Variants in SRCIN1 observed in about 807,000 individuals in gnomAD.
SRCIN1 encodes SRC kinase signaling inhibitor 1.
In SRCIN1, 50 loss-of-function variants were observed where a neutral mutation model predicts 116.2. That is an observed-to-expected ratio of 0.43 (90% confidence interval 0.34 to 0.54). The LOEUF is 0.54. Among genes scored for constraint, SRCIN1 ranks in the 20% least tolerant of loss-of-function variants. The pLI is 0.02. For synonymous variants in SRCIN1, 736 were observed against 750.0 expected (o/e 0.98, Z 0.30); for missense variants, 1,446 against 1,672.0 (o/e 0.86, Z 2.36).
intron 2 of SRCIN1, among the ~76,000 whole-genome samples, chr17:38,571,389 T>G (rs1401785013): frequency 1.3e-5 from 2 of 152,190 alleles, no homozygotes; most frequent in Non-Finnish European, 2.9e-5. Flanking sequence ...GGGTGGGATC[T>G]CTGAATACTC....
At chr17:38,593,305 G>A (rs1908539885) in intron 1 of SRCIN1, among the ~76,000 whole-genome samples, 1 of 152,182 alleles carries the variant, frequency 6.6e-6, no homozygotes, top group African/African-American at 2.4e-5. Context: ...GACTCCTCAG[G>A]AGGAACAGGG....
At chr17:38,569,481 C>T (rs1395754840) in intron 2 of SRCIN1, among the ~76,000 whole-genome samples, 3 of 152,140 alleles carry the variant, frequency 2.0e-5, no homozygotes, top group Non-Finnish European at 2.9e-5. Context: ...TGAATGCTTT[C>T]CTGGCAGGGA....
Position 38,559,739 on chromosome 17 carries a change from G to T in SRCIN1, c.1871C>A (p.Thr624Asn), listed in dbSNP as rs1237763252. The change falls in exon 10 of 19, where the codon ACC becomes AAC. Residue 624 changes from threonine (T) to asparagine (N), a missense_variant. By Grantham distance (65) the Thr-to-Asn change is moderately conservative. Transcript: ENST00000617146. ...GGGCGGGGGCGGGCCGGACACCGGG[G>T]TGGCCCCGCTGCTCCGGCCGCCTGA... ...CGSGGRSSGA[T>N]PVSGPPPPSA... 1.9e-6 allele frequency: 3 copies of T among 1,546,200 alleles called. No individual in the cohort carries two copies. The highest frequency in any genetic ancestry group is 1.4e-5 in the African/African-American group (1 of 73,402).
In SRCIN1 at chr17:38,544,159, T is replaced by G. The variant is rs1904931207; in HGVS notation, c.3271-190A>C. Among the ~76,000 whole-genome samples, 1 of 152,040 alleles carries G rather than the reference T, an allele frequency of 6.6e-6. No individual in the cohort carries two copies. The highest frequency in any genetic ancestry group is 6.5e-5 in the Admixed American group (1 of 15,278). ...ACCCTCTCAGTCCCCACTTATGGTC[T>G]CCCTGCAGGAGAGGGGTGGGGCCCA... On this transcript the variant is annotated intron_variant, in intron 17 of 18. Transcript: ENST00000617146. The surrounding 1 kb of genome is among the most constrained non-coding windows in gnomAD (Gnocchi z 4.5).
intron 15 of SRCIN1, 125 bp downstream of exon 15, chr17:38,551,030 C>A: frequency 1.8e-6 from 1 of 568,006 alleles, no homozygotes; most frequent in South Asian, 2.4e-5. Flanking sequence ...TGTCCCAGGG[C>A]CTCCCTTGTG....
At chr17:38,564,658 A>G (rs938982948) in intron 3 of SRCIN1, among the ~76,000 whole-genome samples, 1 of 149,458 alleles carries the variant, frequency 6.7e-6, no homozygotes, top group Non-Finnish European at 1.5e-5. Context: ...GAGCAGCAGA[A>G]TCGTTGAGCA....
chr17:38,555,222 AATG>A (rs1391992691), intron 11 of SRCIN1, among the ~76,000 whole-genome samples: 2 of 152,212 alleles, frequency 1.3e-5, no homozygotes, highest in Admixed American at 6.5e-5. Context: ...CCTCCCTTGC[AATG>A]ATAAGTGGCC....
chr17:38,564,625 CA>C (rs1293537544), intron 3 of SRCIN1, among the ~76,000 whole-genome samples: 34 of 152,022 alleles, frequency 2.2e-4, no homozygotes, highest in African/African-American at 8.0e-4. Context: ...TTCCGAAGAA[CA>C]ACACAAATTT....
At chr17:38,541,709 T>G (rs1038175775) in intron 18 of SRCIN1, 1 of 152,246 alleles carries the variant, frequency 6.6e-6, no homozygotes, top group Non-Finnish European at 1.5e-5. Context: ...TCCCAGCACT[T>G]TGGGAGGCTG....
At position 38,563,992 on chromosome 17, in the gene SRCIN1, G is replaced by A; in HGVS notation, c.541+126C>T. On this transcript the variant is annotated intron_variant, in intron 4 of 18. Coordinates refer to ENST00000617146, the MANE Select transcript of SRCIN1 (RefSeq NM_025248.3). This position sits in a 1 kb window ranked among gnomAD's most constrained non-coding sequence, Gnocchi z 5.8. Reference sequence around the variant, plus strand: ...GAGCTGGGGTTGCTTGGGGAGAAGGGGCTGTGGGAAAGAGAGCAGAGCTTG... The same window carrying A: ...GAGCTGGGGTTGCTTGGGGAGAAGGAGCTGTGGGAAAGAGAGCAGAGCTTG... 1 of 1,098,086 alleles carries A rather than the reference G, an allele frequency of 9.1e-7. No individual in the cohort carries two copies. The highest frequency in any genetic ancestry group is 1.3e-6 in the Non-Finnish European group (1 of 766,004). The allele number at this position is 1,098,086 out of a possible 1,614,324, so 68.0% of individuals were successfully genotyped here.
chr17:38,583,110 C>T (rs1907911083), intron 1 of SRCIN1, among the ~76,000 whole-genome samples: 2 of 152,206 alleles, frequency 1.3e-5, no homozygotes, highest in African/African-American at 2.4e-5. Context: ...CACTCTGTTG[C>T]CCAGGCTGGA....
intron 18 of SRCIN1, among the ~76,000 whole-genome samples, chr17:38,541,053 T>A (rs1490677743): frequency 1.3e-5 from 2 of 151,614 alleles, no homozygotes; most frequent in Non-Finnish European, 2.9e-5. Flanking sequence ...GTCTGGCCAA[T>A]ATGGTGAAAC....
Position 38,559,618 on chromosome 17 carries a change from C to T in SRCIN1, c.1992G>A (p.Leu664=). The T allele has an allele frequency of 6.2e-7, 1 of 1,602,758 alleles. No homozygotes were observed. The change falls in exon 10 of 19, where the codon TTG becomes TTA. Residue 664 remains leucine (L), a synonymous_variant. Transcript: ENST00000617146. ...TGCGCAACTGCTGGAGCTGGCCGCG[C>T]AAGTCACTGGCGCTGTTCTGCAGGC... ...LRGLQNSASD[L]RGQLQQLRKL...
chr17:38,583,312 C>T (rs529417173), intron 1 of SRCIN1, among the ~76,000 whole-genome samples: 140 of 152,102 alleles, frequency 9.2e-4, no homozygotes, highest in South Asian at 5.2e-3. Flanking sequence ...TGAGCTCAAG[C>T]GATCCACCCA....
intron 18 of SRCIN1, 22 bp downstream of exon 18, chr17:38,543,801 C>T (rs755533260): frequency 2.8e-5 from 44 of 1,599,232 alleles, no homozygotes; most frequent in Non-Finnish European, 3.6e-5. Context: ...GCCTGGGTGG[C>T]CCCCACAGTC....
rs549513006 is a variant in SRCIN1 at position 38,563,234 on chromosome 17, A to G, written c.740+89T>C. 6.3e-5 allele frequency: 91 copies of G among 1,452,570 alleles called. No homozygotes were observed. In the African/African-American group the frequency reaches 1.1e-3, roughly 18 times the overall value. The allele number at this position is 1,452,570 out of a possible 1,614,324, so 90.0% of individuals were successfully genotyped here. A position where few individuals can be genotyped will look rare whatever the true frequency, so the allele number is the denominator to read the frequency against. Reference sequence around the variant, plus strand: ...GGGAAAGGCTGAGGTCGGGTCAGGAAGGAGCTGGGGAAGGGCCGGCGGGGT... The same window carrying G: ...GGGAAAGGCTGAGGTCGGGTCAGGAGGGAGCTGGGGAAGGGCCGGCGGGGT... On this transcript the variant is annotated intron_variant, in intron 5 of 18. Coordinates refer to ENST00000617146, the MANE Select transcript of SRCIN1 (RefSeq NM_025248.3). The surrounding 1 kb of genome is among the most constrained non-coding windows in gnomAD (Gnocchi z 5.8).
intron 1 of SRCIN1, among the ~76,000 whole-genome samples, chr17:38,593,197 G>A (rs1435253774): frequency 6.6e-6 from 1 of 152,182 alleles, no homozygotes; most frequent in Non-Finnish European, 1.5e-5. Context: ...GCAGGAATGG[G>A]AGGTGATGAA....
chr17:38,596,595 T>C (rs918132966), intron 1 of SRCIN1, among the ~76,000 whole-genome samples: 1 of 152,098 alleles, frequency 6.6e-6, no homozygotes, highest in Admixed American at 6.5e-5. Flanking sequence ...GGTTATGCCA[T>C]TCTGGAAGGT....
At chr17:38,551,410 C>G in intron 14 of SRCIN1, 21 bp from the exon 15 acceptor site, 11 of 1,582,230 alleles carry the variant, frequency 7.0e-6, no homozygotes, top group South Asian at 1.1e-5. Context: ...AGCCAGGAGT[C>G]AGGATTGAGG....
Sources: gnomAD v4.1 joint callset for allele counts (sites outside exome capture counted in the v4.1 genomes callset) on GRCh38, gnomAD v4.1.1 for gene constraint, Gnocchi (gnomAD v3.1) non-coding constraint, MANE v1.5 for transcripts, NCBI Gene and HGNC (gene_info 2026-07-23, HGNC 2026-07-21) for gene names.